The following PCSK6 variants were observed in gnomAD, a reference collection of about 807,000 sequenced individuals.
The protein encoded by PCSK6 is paired basic amino acid cleaving enzyme 4.
PCSK6 carries 85 observed loss-of-function variants against 123.3 expected under a neutral mutation model. The ratio of observed to expected loss-of-function variants is 0.69; its 90% CI spans 0.58 to 0.83. PCSK6 has a LOEUF of 0.83. Among genes scored for constraint, PCSK6 ranks in the 40% least tolerant of loss-of-function variants. The pLI is 0.00. For synonymous variants in PCSK6, 508 were observed against 516.0 expected, an observed-to-expected ratio of 0.98 and a Z score of 0.21; for missense variants, 1,191 against 1,282.3, an observed-to-expected ratio of 0.93 and a Z score of 1.09.
chr15:101,462,147 G>A (rs951643195), intron 1 of PCSK6, among the ~76,000 whole-genome samples: 1 of 152,150 alleles, frequency 6.6e-6, no homozygotes, highest in Non-Finnish European at 1.5e-5. Context: ...ATTGAAAGGT[G>A]GCTAGATGTG....
intron 1 of PCSK6, among the ~76,000 whole-genome samples, chr15:101,477,713 C>T (rs553918533): frequency 6.6e-6 from 1 of 152,336 alleles, no homozygotes; most frequent in East Asian, 1.9e-4. Flanking sequence ...GGCCATGCTA[C>T]CCTCTATGCA....
At chr15:101,397,363 C>T (rs561750806) in intron 7 of PCSK6, among the ~76,000 whole-genome samples, 27 of 152,268 alleles carry the variant, frequency 1.8e-4, no homozygotes, top group Admixed American at 1.4e-3. Context: ...TAATCTCTTC[C>T]TACTATCCGA....
At chr15:101,357,693 C>G (rs2041085513) in intron 13 of PCSK6, among the ~76,000 whole-genome samples, 1 of 152,242 alleles carries the variant, frequency 6.6e-6, no homozygotes. Flanking sequence ...GGGGGTAGGT[C>G]TTATTGCGAA....
chr15:101,377,297 T>C (rs1257529104), intron 11 of PCSK6, among the ~76,000 whole-genome samples: 1 of 152,166 alleles, frequency 6.6e-6, no homozygotes, highest in Non-Finnish European at 1.5e-5. Context: ...AGCTAGCTCC[T>C]GGCACAGAGG....
intron 6 of PCSK6, among the ~76,000 whole-genome samples, chr15:101,405,868 G>C (rs1210306050): frequency 6.6e-6 from 1 of 152,000 alleles, no homozygotes; most frequent in Non-Finnish European, 1.5e-5. Flanking sequence ...TCAGCCACTG[G>C]AGTAGCTGGG....
chr15:101,306,193 G>T lies in PCSK6; in HGVS notation c.2813-838C>A, dbSNP rs75287610. On this transcript the variant is annotated intron_variant, in intron 21 of 21. Coordinates refer to ENST00000611716, the MANE Select transcript of PCSK6 (RefSeq NM_002570.5). ...CTTGCTGAGGACACCGCTGCAGCAA[G>T]GGGAAGAGGCCTTTGAGGATGCATC... Among the ~76,000 whole-genome samples the T allele has an allele frequency of 1.7e-3, 253 of 152,244 alleles. 9 individuals are homozygous for T. The East Asian group carries it at 0.044, about 26-fold the overall frequency.
chr15:101,331,409 C>T (rs563785392), intron 15 of PCSK6, among the ~76,000 whole-genome samples: 1 of 152,208 alleles, frequency 6.6e-6, no homozygotes, highest in Non-Finnish European at 1.5e-5. Context: ...CTCCTTGAAC[C>T]CAACCTTCCT....
chr15:101,372,471 T>TGGAA (rs2041615166), intron 11 of PCSK6, among the ~76,000 whole-genome samples: 1 of 152,212 alleles, frequency 6.6e-6, no homozygotes, highest in Admixed American at 6.5e-5. Flanking sequence ...GATCTAGAGA[T>TGGAA]GCTGACTTCC....
chr15:101,317,074 G>T (rs1259620008), intron 19 of PCSK6, among the ~76,000 whole-genome samples: 2 of 151,998 alleles, frequency 1.3e-5, no homozygotes, highest in African/African-American at 2.4e-5. Context: ...ACCAAACCTG[G>T]CTAATTTTTG....
At chr15:101,346,920 T>G in intron 13 of PCSK6, 5 of 1,231,712 alleles carry the variant, frequency 4.1e-6, no homozygotes, top group Non-Finnish European at 5.1e-6. Context: ...CTTCTTTTTT[T>G]CTCAAACGAG....
intron 6 of PCSK6, among the ~76,000 whole-genome samples, chr15:101,411,637 C>T (rs1161651958): frequency 6.6e-6 from 1 of 152,178 alleles, no homozygotes; most frequent in Non-Finnish European, 1.5e-5. Context: ...CCCGACGAGA[C>T]AGGGCCAATA....
At chr15:101,437,553 G>A (rs562056741) in intron 2 of PCSK6, among the ~76,000 whole-genome samples, 36 of 152,232 alleles carry the variant, frequency 2.4e-4, no homozygotes, top group African/African-American at 8.7e-4. Context: ...AGCCATAACT[G>A]CAACAGCGTA....
At chr15:101,480,253 C>T (rs1380519360) in intron 1 of PCSK6, among the ~76,000 whole-genome samples, 2 of 152,206 alleles carry the variant, frequency 1.3e-5, no homozygotes, top group African/African-American at 2.4e-5. Context: ...ATACAAGAGC[C>T]CCCGAGGAAG....
intron 15 of PCSK6, among the ~76,000 whole-genome samples, chr15:101,330,165 CG>C (rs982974923): frequency 1.9e-4 from 29 of 152,356 alleles, no homozygotes; most frequent in African/African-American, 6.7e-4. Flanking sequence ...TTGTGCCCCA[CG>C]CTGCCCACTG....
Position 101,304,738 on chromosome 15 carries a change from T to G in PCSK6, c.*520A>C, listed in dbSNP as rs2039683876. 1 of 153,314 alleles carries G rather than the reference T, an allele frequency of 6.5e-6. No homozygotes were observed. Among genetic ancestry groups the G allele is most frequent in the Non-Finnish European group, 1.5e-5 (1 of 68,752 alleles). 9.5% of individuals were successfully genotyped at this position (153,314 alleles called of 1,614,324 possible). A position where few individuals can be genotyped will look rare whatever the true frequency, so the allele number is the denominator to read the frequency against. ...GTCATACATTTTATGCCCTCAAACC[T>G]ATCTTATTTATAGTCTGACCAAACC... On this transcript the variant is annotated 3_prime_UTR_variant, in exon 22 of 22. Coordinates refer to ENST00000611716, the MANE Select transcript of PCSK6 (RefSeq NM_002570.5).
chr15:101,377,682 C>T (rs1416289218), intron 11 of PCSK6, among the ~76,000 whole-genome samples: 3 of 152,310 alleles, frequency 2.0e-5, no homozygotes, highest in East Asian at 1.9e-4. Context: ...TCTAGTTTCA[C>T]GAAATTCCAG....
intron 1 of PCSK6, among the ~76,000 whole-genome samples, chr15:101,478,389 G>C (rs545396026): frequency 6.6e-6 from 1 of 152,312 alleles, no homozygotes; most frequent in African/African-American, 2.4e-5. Flanking sequence ...TGGGGACAGA[G>C]AGGCTGAGTA....
intron 13 of PCSK6, among the ~76,000 whole-genome samples, chr15:101,362,536 C>T (rs1040577925): frequency 6.6e-6 from 1 of 152,154 alleles, no homozygotes; most frequent in African/African-American, 2.4e-5. Flanking sequence ...CAACGAGATG[C>T]ACAAGGGGCA....
At chr15:101,339,865 T>G (rs944679327) in intron 13 of PCSK6, among the ~76,000 whole-genome samples, 2 of 151,926 alleles carry the variant, frequency 1.3e-5, no homozygotes, top group African/African-American at 4.8e-5. Context: ...GAGCCGTGAT[T>G]GCACACTACA....
Sources: gnomAD v4.1 joint callset for allele counts (sites outside exome capture counted in the v4.1 genomes callset) on GRCh38, gnomAD v4.1.1 for gene constraint, MANE v1.5 for transcripts, NCBI Gene and HGNC (gene_info 2026-07-23, HGNC 2026-07-21) for gene names.